The following LDLRAD3 variants were observed in gnomAD, a reference collection of about 807,000 sequenced individuals.
LDLRAD3 encodes the protein low-density lipoprotein receptor class A domain-containing protein 3.
LDLRAD3 carries 20 observed loss-of-function variants against 29.4 expected under a neutral mutation model. That is an observed-to-expected ratio of 0.68 (90% CI 0.48 to 0.99). The LOEUF (loss-of-function observed/expected upper bound fraction) is 0.99, where lower values mean the gene tolerates loss of function less well. Ranked by LOEUF, LDLRAD3 falls within the 50% of genes least tolerant of loss-of-function variation. The pLI is 0.00. For synonymous variants in LDLRAD3, 157 were observed against 192.7 expected (o/e 0.81, Z 1.53); for missense variants, 420 against 454.3 (o/e 0.92, Z 0.69).
intron 1 of LDLRAD3, among the ~76,000 whole-genome samples, chr11:36,022,626 A>G (rs977515779): frequency 2.0e-5 from 3 of 152,148 alleles, no homozygotes; most frequent in African/African-American, 7.2e-5. Flanking sequence ...TGGGTAAGTA[A>G]TTCCCTGAGC....
chr11:35,948,070 C>T lies in LDLRAD3; in HGVS notation c.46+3926C>T, dbSNP rs145328211. On this transcript the variant is annotated intron_variant, in intron 1 of 5. Coordinates refer to ENST00000315571, the MANE Select transcript of LDLRAD3 (RefSeq NM_174902.4). The stretch of plus-strand genomic sequence containing the variant: ...GTGTGGGTGAGTGACAAACACTAGG[C>T]GGGGAGATGATACCAGCCAGGGTTC... 3.0e-3 allele frequency among the ~76,000 whole-genome samples: 449 copies of T among 152,128 alleles called. 2 individuals are homozygous for T. Among genetic ancestry groups the T allele is most frequent in the African/African-American group, 0.01 (433 of 41,504 alleles).
chr11:36,027,865 T>C (rs1852187762), intron 1 of LDLRAD3, among the ~76,000 whole-genome samples: 1 of 152,174 alleles, frequency 6.6e-6, no homozygotes, highest in Admixed American at 6.5e-5. Context: ...ACAAGCCAGA[T>C]AAAATTGGTC....
chr11:36,012,631 T>C (rs916146829), intron 1 of LDLRAD3, among the ~76,000 whole-genome samples: 4 of 152,156 alleles, frequency 2.6e-5, no homozygotes, highest in Non-Finnish European at 4.4e-5. Context: ...GTGTGTATGC[T>C]GGACAAAGGG....
rs544726525 is a variant in LDLRAD3, at chr11:36,058,423, G to T, written c.193+22174G>T. On this transcript the variant is annotated intron_variant, in intron 2 of 5. Transcript: ENST00000315571. Reference sequence around the variant, plus strand: ...TGCTTATAGGTCTGCGTCTCTGTCAGATTGCGAGCTCTTTAAGTTATGCTT... The same window carrying T: ...TGCTTATAGGTCTGCGTCTCTGTCATATTGCGAGCTCTTTAAGTTATGCTT... Among the ~76,000 whole-genome samples the T allele has an allele frequency of 8.5e-5, 13 of 152,296 alleles. No individual in the cohort carries two copies. The East Asian group carries it at 2.5e-3, about 29-fold the overall frequency.
chr11:35,970,831 G>A (rs2133146648), intron 1 of LDLRAD3, among the ~76,000 whole-genome samples: 1 of 152,302 alleles, frequency 6.6e-6, no homozygotes, highest in South Asian at 2.1e-4. Context: ...TAGTCTCAAA[G>A]GGAGATTGCC....
intron 1 of LDLRAD3, among the ~76,000 whole-genome samples, chr11:36,003,174 A>C (rs1049264329): frequency 1.1e-4 from 16 of 152,184 alleles, no homozygotes; most frequent in African/African-American, 3.9e-4. Flanking sequence ...TCTGGCTGTG[A>C]CAGGTCACTC....
At chr11:36,199,269 A>C (rs1052575615) in intron 4 of LDLRAD3, among the ~76,000 whole-genome samples, 2 of 152,084 alleles carry the variant, frequency 1.3e-5, no homozygotes, top group African/African-American at 2.4e-5. Context: ...CTGTTAAAGA[A>C]TTTGCTCCTA....
At position 36,224,542 on chromosome 11, in the gene LDLRAD3, A is replaced by G. The variant is rs1039078668; in HGVS notation, c.455-2543A>G. On this transcript the variant is annotated intron_variant, in intron 4 of 5. Coordinates refer to ENST00000315571, the MANE Select transcript of LDLRAD3 (RefSeq NM_174902.4). ...GCTAATTGTCTCCAGAAAAAATCCAAAATTGCCTCCCTCCCTTAATTGTAG... is the reference window on the plus strand; with the variant it reads ...GCTAATTGTCTCCAGAAAAAATCCAGAATTGCCTCCCTCCCTTAATTGTAG... Among the ~76,000 whole-genome samples, 17 of 152,302 alleles carry G rather than the reference A, an allele frequency of 1.1e-4. No homozygotes were observed. In the East Asian group the frequency reaches 1.5e-3, roughly 14 times the overall value.
At chr11:35,963,217 T>A (rs780692609) in intron 1 of LDLRAD3, among the ~76,000 whole-genome samples, 3 of 152,238 alleles carry the variant, frequency 2.0e-5, no homozygotes, top group Non-Finnish European at 2.9e-5. Flanking sequence ...GATAGTTTTT[T>A]TGGGTAAACA....
At chr11:36,119,261 G>A (rs1036799510) in intron 4 of LDLRAD3, among the ~76,000 whole-genome samples, 1 of 152,022 alleles carries the variant, frequency 6.6e-6, no homozygotes, top group African/African-American at 2.4e-5. Flanking sequence ...TATGAATAAG[G>A]CTGCCATGCA....
At chr11:36,206,257 G>A (rs114621866) in intron 4 of LDLRAD3, among the ~76,000 whole-genome samples, 203 of 152,258 alleles carry the variant, frequency 1.3e-3, no homozygotes, top group African/African-American at 4.6e-3. Flanking sequence ...ATCATTTAAG[G>A]CTTATTACTA....
chr11:36,141,565 G>A lies in LDLRAD3; in HGVS notation c.454+43104G>A, dbSNP rs759627239. 3.2e-4 allele frequency among the ~76,000 whole-genome samples: 49 copies of A among 152,224 alleles called. 1 individual carries two copies. Among genetic ancestry groups the A allele is most frequent in the Admixed American group, 3.9e-4 (6 of 15,288 alleles). ...ATCAACTTTAGTACATGCTTACTGG[G>A]TCGTTGGTCTAGGCAGTAGCCAGAA... is the stretch of plus-strand genomic sequence containing the variant. On this transcript the variant is annotated intron_variant, in intron 4 of 5. Coordinates refer to ENST00000315571, the MANE Select transcript of LDLRAD3 (RefSeq NM_174902.4).
At position 36,174,011 on chromosome 11, in the gene LDLRAD3, C is replaced by G. The variant is rs531406587; in HGVS notation, c.455-53074C>G. ...AAACAGCATGATACTGGTACCAAAACAGAGATACAGACCAATGGAACAGAA... is the reference window on the plus strand; with the variant it reads ...AAACAGCATGATACTGGTACCAAAAGAGAGATACAGACCAATGGAACAGAA... On this transcript the variant is annotated intron_variant, in intron 4 of 5. Coordinates refer to ENST00000315571, the MANE Select transcript of LDLRAD3 (RefSeq NM_174902.4). 1.6e-4 allele frequency among the ~76,000 whole-genome samples: 25 copies of G among 152,296 alleles called. No individual in the cohort carries two copies. The South Asian group carries it at 4.4e-3, about 27-fold the overall frequency.
chr11:36,164,699 A>G (rs1854490670), intron 4 of LDLRAD3, among the ~76,000 whole-genome samples: 1 of 152,268 alleles, frequency 6.6e-6, no homozygotes, highest in South Asian at 2.1e-4. Flanking sequence ...CTACTGGCTT[A>G]AAGCTGACAG....
At chr11:36,103,637 A>C (rs1307467956) in intron 4 of LDLRAD3, among the ~76,000 whole-genome samples, 1 of 152,192 alleles carries the variant, frequency 6.6e-6, no homozygotes, top group African/African-American at 2.4e-5. Flanking sequence ...TAAGACGTGG[A>C]GGTTAGGCGT....
intron 1 of LDLRAD3, chr11:36,010,247 A>G (rs1565159386): frequency 6.5e-6 from 1 of 154,394 alleles, no homozygotes; most frequent in African/African-American, 2.4e-5. Flanking sequence ...CAAAAATACC[A>G]TCTGCTGTTT....
intron 4 of LDLRAD3, among the ~76,000 whole-genome samples, chr11:36,212,666 G>A (rs1317542009): frequency 2.0e-5 from 3 of 152,080 alleles, no homozygotes; most frequent in East Asian, 1.9e-4. Flanking sequence ...TTAGCCACCC[G>A]ACTCCCTGGC....
Position 36,054,838 on chromosome 11 carries a change from T to TG in LDLRAD3, c.193+18590dup, listed in dbSNP as rs1852585566. On this transcript the variant is annotated intron_variant, in intron 2 of 5. Transcript: ENST00000315571. ...GTGGATGGATAGGTGGATGGATGGATGAATGGATGGATGGATGGATGGATG... is the reference window on the plus strand; with the variant it reads ...GTGGATGGATAGGTGGATGGATGGATGGAATGGATGGATGGATGGATGGATG... Among the ~76,000 whole-genome samples the TG allele has an allele frequency of 4.6e-4, 54 of 117,116 alleles. No homozygotes were observed. In the East Asian group the frequency reaches 5.0e-3, roughly 11 times the overall value. The allele number at this position is 117,116 out of a possible 152,430, so 76.8% of individuals were successfully genotyped here.
chr11:36,059,944 A>T (rs963459063), intron 2 of LDLRAD3, among the ~76,000 whole-genome samples: 1 of 152,240 alleles, frequency 6.6e-6, no homozygotes, highest in African/African-American at 2.4e-5. Context: ...GTTTACACTT[A>T]TGTAATGGAG....
Sources: gnomAD v4.1 joint callset for allele counts (sites outside exome capture counted in the v4.1 genomes callset) on GRCh38, gnomAD v4.1.1 for gene constraint, MANE v1.5 for transcripts, NCBI Gene and HGNC (gene_info 2026-07-23, HGNC 2026-07-21) for gene names.